The following EVI5 variants were observed in gnomAD, a reference collection of about 807,000 sequenced individuals.
EVI5 encodes the protein ecotropic viral integration site 5 protein homolog.
EVI5 carries 73 observed loss-of-function variants against 112.0 expected under a neutral mutation model. The ratio of observed to expected loss-of-function variants is 0.65; its 90% CI spans 0.54 to 0.79. The LOEUF (loss-of-function observed/expected upper bound fraction) is 0.79. EVI5 is among the 30% of genes least tolerant of loss of function. The pLI is 0.00. For synonymous variants in EVI5, 305 were observed against 319.9 expected, an observed-to-expected ratio of 0.95 and a Z score of 0.50; for missense variants, 900 against 968.8, an observed-to-expected ratio of 0.93 and a Z score of 0.94.
At chr1:92,542,847 T>A (rs1665051207) in intron 19 of EVI5, among the ~76,000 whole-genome samples, 1 of 152,208 alleles carries the variant, frequency 6.6e-6, no homozygotes, top group African/African-American at 2.4e-5. Context: ...GCAGTAATAT[T>A]TTGGAAGGAA....
chr1:92,633,761 G>T (rs77724284), intron 14 of EVI5, among the ~76,000 whole-genome samples: 1 of 152,224 alleles, frequency 6.6e-6, no homozygotes, highest in Non-Finnish European at 1.5e-5. Flanking sequence ...AGTGGAAGCA[G>T]TTTCTTCCTA....
chr1:92,658,263 A>G (rs1230807247), intron 13 of EVI5, among the ~76,000 whole-genome samples: 1 of 152,166 alleles, frequency 6.6e-6, no homozygotes, highest in Non-Finnish European at 1.5e-5. Flanking sequence ...GAAAGAAATA[A>G]AAGATATTCA....
intron 1 of EVI5, among the ~76,000 whole-genome samples, chr1:92,777,662 A>G (rs1422418912): frequency 6.6e-6 from 1 of 152,212 alleles, no homozygotes; most frequent in Non-Finnish European, 1.5e-5. Flanking sequence ...ACAGGTGGCA[A>G]CAAGTTTCTG....
At chr1:92,517,838 T>C (rs1660165448) in intron 19 of EVI5, among the ~76,000 whole-genome samples, 1 of 151,796 alleles carries the variant, frequency 6.6e-6, no homozygotes. Context: ...GAATCAGGAA[T>C]CTGATAAAAA....
intron 9 of EVI5, among the ~76,000 whole-genome samples, chr1:92,685,215 AC>A (rs1350717905): frequency 1.3e-5 from 2 of 152,238 alleles, no homozygotes; most frequent in African/African-American, 4.8e-5. Flanking sequence ...CTCTCAGACA[AC>A]AGTGCAATTA....
At position 92,715,802 on chromosome 1, in the gene EVI5, G is replaced by A. The variant is rs143968008; in HGVS notation, c.150-11058C>T. 7.2e-3 allele frequency among the ~76,000 whole-genome samples: 1,090 copies of A among 152,266 alleles called. 9 individuals are homozygous for A. Among genetic ancestry groups the A allele is most frequent in the South Asian group, 0.015 (70 of 4,810 alleles). On this transcript the variant is annotated intron_variant, in intron 2 of 19. Coordinates refer to ENST00000684568, the MANE Select transcript of EVI5 (RefSeq NM_001350197.2). ...AGTCTTAGCAAATGGTACACCAGGA[G>A]ATTATATCTCGCGCCTGGCTCGGTG...
intron 1 of EVI5, among the ~76,000 whole-genome samples, chr1:92,758,816 T>A (rs529323223): frequency 6.8e-6 from 1 of 146,490 alleles, no homozygotes; most frequent in Admixed American, 6.7e-5. Context: ...ACATAAAACT[T>A]ATAATTAAGG....
intron 19 of EVI5, among the ~76,000 whole-genome samples, chr1:92,535,827 G>A (rs1362767689): frequency 1.3e-5 from 2 of 151,960 alleles, no homozygotes; most frequent in African/African-American, 4.8e-5. Context: ...GTTGATGGGT[G>A]CAGCAAACCA....
chr1:92,744,148 T>C (rs576178814), intron 1 of EVI5, among the ~76,000 whole-genome samples: 2 of 152,314 alleles, frequency 1.3e-5, no homozygotes, highest in African/African-American at 2.4e-5. Context: ...ACACAAGTTG[T>C]ATAGATAATT....
rs528674625 is a variant in EVI5, at chr1:92,600,322, T to C, written c.2070+4985A>G. 1.1e-3 allele frequency among the ~76,000 whole-genome samples: 172 copies of C among 152,296 alleles called. 1 individual carries two copies. Among genetic ancestry groups the C allele is most frequent in the Admixed American group, 2.3e-3 (35 of 15,300 alleles). On this transcript the variant is annotated intron_variant, in intron 18 of 19. Transcript: ENST00000684568. ...GGGAACAGGGTGTGACTGAATAGAC[T>C]TCTTGAGTACAGGCAATTTTGTCTG...
At chr1:92,590,449 C>T (rs995812677) in intron 18 of EVI5, among the ~76,000 whole-genome samples, 7 of 152,050 alleles carry the variant, frequency 4.6e-5, no homozygotes, top group Admixed American at 1.3e-4. Flanking sequence ...AACCACGGCA[C>T]GAGAACTACG....
chr1:92,763,493 T>C lies in EVI5; in HGVS notation c.-82+21343A>G, dbSNP rs1469635932. ...AGCTGGGCATGGTGGTGTGTGCCTG[T>C]AGTCCCAGCTACTTGGGAGGCTGAC... On this transcript the variant is annotated intron_variant, in intron 1 of 19. Coordinates refer to ENST00000684568, the MANE Select transcript of EVI5 (RefSeq NM_001350197.2). Among the ~76,000 whole-genome samples the C allele has an allele frequency of 7.2e-5, 11 of 152,148 alleles. No individual in the cohort carries two copies. In the East Asian group the frequency reaches 2.1e-3, roughly 29 times the overall value.
intron 19 of EVI5, among the ~76,000 whole-genome samples, chr1:92,527,421 A>AG (rs1411027581): frequency 2.3e-5 from 3 of 129,024 alleles, no homozygotes; most frequent in African/African-American, 9.0e-5. Context: ...TCTCAAAAAA[A>AG]AAAAAAAAAA....
chr1:92,685,974 A>T (rs879024284), intron 9 of EVI5, among the ~76,000 whole-genome samples: 1 of 152,108 alleles, frequency 6.6e-6, no homozygotes, highest in African/African-American at 2.4e-5. Flanking sequence ...GAGGTACAAA[A>T]AGGAGCTTGC....
At chr1:92,597,256 A>G (rs1301743883) in intron 18 of EVI5, among the ~76,000 whole-genome samples, 1 of 152,180 alleles carries the variant, frequency 6.6e-6, no homozygotes, top group Non-Finnish European at 1.5e-5. Context: ...ATTCTGATTA[A>G]GATATGTCAT....
chr1:92,698,023 T>C, intron 5 of EVI5, 38 bp from the exon 6 acceptor site: 1 of 1,578,282 alleles, frequency 6.3e-7, no homozygotes, highest in African/African-American at 1.4e-5. Context: ...AGGTTAATGT[T>C]CTCTGATACA....
At chr1:92,757,888 A>T (rs1365633646) in intron 1 of EVI5, among the ~76,000 whole-genome samples, 1 of 143,922 alleles carries the variant, frequency 6.9e-6, no homozygotes, top group East Asian at 2.1e-4. Context: ...TGGGCAAAAG[A>T]GTGAGCGAGA....
chr1:92,784,758 C>T (rs1278125935), intron 1 of EVI5, 78 bp downstream of exon 1: 1 of 953,870 alleles, frequency 1.0e-6, no homozygotes, highest in Non-Finnish European at 1.2e-6. Context: ...CGCCTCGGCC[C>T]AGCTGTGCGC....
intron 9 of EVI5, among the ~76,000 whole-genome samples, chr1:92,686,833 A>C (rs1210801760): frequency 6.6e-6 from 1 of 152,228 alleles, no homozygotes; most frequent in East Asian, 1.9e-4. Context: ...ACAACTTACA[A>C]GGGATGTGAA....
Sources: gnomAD v4.1 joint callset for allele counts (sites outside exome capture counted in the v4.1 genomes callset) on GRCh38, gnomAD v4.1.1 for gene constraint, MANE v1.5 for transcripts, NCBI Gene and HGNC (gene_info 2026-07-23, HGNC 2026-07-21) for gene names.